The following RAB38 variants were observed in gnomAD, a reference collection of about 807,000 sequenced individuals.
RAB38 encodes the protein ras-related protein Rab-38.
A neutral mutation model predicts 18.4 loss-of-function variants in RAB38; 15 were observed. That is an observed-to-expected ratio of 0.82 (90% confidence interval 0.55 to 1.26). RAB38 has a LOEUF of 1.26. Among genes scored for constraint, RAB38 ranks in the 50% most tolerant of loss-of-function variants. The pLI is 0.00. For missense variants in RAB38, 294 were observed against 267.4 expected (o/e 1.10, Z -0.69); for synonymous variants, 101 against 104.4 (o/e 0.97, Z 0.20).
chr11:88,084,211 T>C, the RAB38 span, among the ~76,000 whole-genome samples: 3 of 151,778 alleles, frequency 2.0e-5, no homozygotes, highest in Non-Finnish European at 4.4e-5. Context: ...GTCAAACAGT[T>C]ACCAGTAATA....
the RAB38 span, among the ~76,000 whole-genome samples, chr11:87,902,958 T>A: frequency 2.0e-5 from 3 of 151,182 alleles, no homozygotes; most frequent in African/African-American, 7.3e-5. Flanking sequence ...TGATGGAAAT[T>A]TTTTGCAGAT....
the RAB38 span, among the ~76,000 whole-genome samples, chr11:87,973,146 A>G: frequency 6.6e-6 from 1 of 152,056 alleles, no homozygotes. Context: ...ATTTCTTTAT[A>G]GCAGTGTGAG....
At chr11:87,904,901 T>C in the RAB38 span, among the ~76,000 whole-genome samples, 2 of 151,926 alleles carry the variant, frequency 1.3e-5, no homozygotes, top group East Asian at 3.9e-4. Context: ...CTTGGGTTTA[T>C]ACGATTATAT....
chr11:87,890,854 G>A, the RAB38 span, among the ~76,000 whole-genome samples: 145,548 of 151,984 alleles, frequency 0.96, 69,718 homozygotes, highest in East Asian at 1. Context: ...TTGCACTAGT[G>A]TATCCATTTC....
intron 2 of RAB38, among the ~76,000 whole-genome samples, chr11:88,117,331 G>C (rs1942567919): frequency 6.6e-6 from 1 of 152,184 alleles, no homozygotes; most frequent in Non-Finnish European, 1.5e-5. Flanking sequence ...AGGTTGGAAA[G>C]GGCATCAGGG....
chr11:87,904,861 C>T, the RAB38 span, among the ~76,000 whole-genome samples: 2 of 151,594 alleles, frequency 1.3e-5, no homozygotes, highest in Non-Finnish European at 3.0e-5. Flanking sequence ...ATTTTCTTTG[C>T]GTTTTTACTA....
the RAB38 span, among the ~76,000 whole-genome samples, chr11:87,896,099 G>T: frequency 4.9e-4 from 74 of 151,810 alleles, 2 homozygotes; most frequent in Middle Eastern, 0.014. Flanking sequence ...ATACAGCAAT[G>T]TATAAGAGTG....
intron 1 of RAB38, among the ~76,000 whole-genome samples, chr11:88,154,665 G>A (rs576772062): frequency 3.9e-5 from 6 of 152,258 alleles, no homozygotes; most frequent in Admixed American, 2.6e-4. Flanking sequence ...CCATGGCTAC[G>A]CAGATATCCA....
At chr11:87,825,872 C>T in the RAB38 span, among the ~76,000 whole-genome samples, 4 of 152,046 alleles carry the variant, frequency 2.6e-5, no homozygotes, top group Non-Finnish European at 4.4e-5. Context: ...AAACAGTTAA[C>T]TTCAGAGGAC....
At chr11:88,032,749 AG>A in the RAB38 span, among the ~76,000 whole-genome samples, 1 of 152,226 alleles carries the variant, frequency 6.6e-6, no homozygotes, top group Non-Finnish European at 1.5e-5. Context: ...GAGGATGTGA[AG>A]AAATAGGAAC....
chr11:87,878,222 T>TATATATATATATATATAC, the RAB38 span, among the ~76,000 whole-genome samples: 774 of 116,150 alleles, frequency 6.7e-3, 21 homozygotes, highest in Middle Eastern at 0.012. Flanking sequence ...TATATATATA[T>TATATATATATATATATAC]ACACACATAT....
the RAB38 span, among the ~76,000 whole-genome samples, chr11:87,936,566 T>C: frequency 6.6e-6 from 1 of 152,102 alleles, no homozygotes; most frequent in Non-Finnish European, 1.5e-5. Flanking sequence ...ACACACAGTC[T>C]TAATGATTGT....
the RAB38 span, among the ~76,000 whole-genome samples, chr11:87,957,143 C>T: frequency 6.6e-6 from 1 of 151,938 alleles, no homozygotes; most frequent in African/African-American, 2.4e-5. Flanking sequence ...TTTTTCACTC[C>T]CACAAATTGA....
downstream of RAB38, among the ~76,000 whole-genome samples, chr11:88,110,811 C>A: frequency 7.7e-6 from 1 of 130,040 alleles, no homozygotes; most frequent in Admixed American, 7.7e-5. Flanking sequence ...GAGACTCCAT[C>A]TCAAAAAAAA....
chr11:87,974,346 AC>A, the RAB38 span, among the ~76,000 whole-genome samples: 65 of 150,044 alleles, frequency 4.3e-4, 1 homozygote, highest in Middle Eastern at 3.5e-3. Context: ...GAAAACCATA[AC>A]CCTGAAAGAA....
the RAB38 span, among the ~76,000 whole-genome samples, chr11:88,073,450 G>T: frequency 2.0e-5 from 3 of 152,018 alleles, no homozygotes; most frequent in Non-Finnish European, 2.9e-5. Flanking sequence ...GGCTTAGGTT[G>T]CCATCTAATA....
chr11:87,886,822 TTG>T, the RAB38 span, among the ~76,000 whole-genome samples: 7 of 96,292 alleles, frequency 7.3e-5, no homozygotes, highest in South Asian at 3.5e-4. Flanking sequence ...GCTGAAGCAC[TTG>T]TTTTTTTTTT....
chr11:87,946,070 G>T, the RAB38 span, among the ~76,000 whole-genome samples: 3 of 152,060 alleles, frequency 2.0e-5, no homozygotes, highest in Non-Finnish European at 2.9e-5. Context: ...TTTAAACCTT[G>T]ATTTCTCTGA....
chr11:87,874,354 C>T, the RAB38 span, among the ~76,000 whole-genome samples: 2 of 150,740 alleles, frequency 1.3e-5, no homozygotes, highest in African/African-American at 2.4e-5. Flanking sequence ...CTGATAATAC[C>T]CCAAATATAT....
Sources: gnomAD v4.1 joint callset for allele counts (sites outside exome capture counted in the v4.1 genomes callset) on GRCh38, gnomAD v4.1.1 for gene constraint, MANE v1.5 for transcripts, NCBI Gene and HGNC (gene_info 2026-07-23, HGNC 2026-07-21) for gene names.